The following DLG2 variants were observed in gnomAD, a reference collection of about 807,000 sequenced individuals.
DLG2 encodes disks large homolog 2.
Under a neutral mutation model 132.5 loss-of-function variants are expected in DLG2, and 45 were observed. That is an observed-to-expected ratio of 0.34 (90% CI 0.27 to 0.44). The LOEUF (loss-of-function observed/expected upper bound fraction) is 0.44. DLG2 is among the 20% of genes least tolerant of loss of function. DLG2 has a pLI of 1.00. For synonymous variants in DLG2, 424 were observed against 419.6 expected (o/e 1.01, Z -0.13); for missense variants, 1,045 against 1,196.9 (o/e 0.87, Z 1.87).
intron 11 of DLG2, among the ~76,000 whole-genome samples, chr11:84,049,927 G>A (rs1345060487): frequency 6.6e-6 from 1 of 151,706 alleles, no homozygotes; most frequent in Non-Finnish European, 1.5e-5. Context: ...GGTCACAATA[G>A]TAAGAGAAGA....
At chr11:85,103,973 A>T (rs2071291099) in intron 6 of DLG2, among the ~76,000 whole-genome samples, 1 of 151,924 alleles carries the variant, frequency 6.6e-6, no homozygotes, top group South Asian at 2.1e-4. Context: ...TCACATCACT[A>T]ATCAATAGAT....
intron 6 of DLG2, among the ~76,000 whole-genome samples, chr11:84,985,288 A>G (rs1313175356): frequency 6.6e-6 from 1 of 152,202 alleles, no homozygotes; most frequent in East Asian, 1.9e-4. Flanking sequence ...GTCTCAGACC[A>G]CAGTGCGTTA....
chr11:85,013,781 G>A (rs1232440206), intron 6 of DLG2, among the ~76,000 whole-genome samples: 1 of 152,028 alleles, frequency 6.6e-6, no homozygotes, highest in Non-Finnish European at 1.5e-5. Flanking sequence ...GAAATCTAGT[G>A]AAAAAAATCT....
chr11:84,511,987 G>T, intron 7 of DLG2, among the ~76,000 whole-genome samples: 1 of 152,112 alleles, frequency 6.6e-6, no homozygotes, highest in Non-Finnish European at 1.5e-5. Flanking sequence ...CACGCTCGAG[G>T]TCACATACCT....
In DLG2 at chr11:84,534,721, T is replaced by C. The variant is rs773627915; in HGVS notation, c.368A>G (p.Tyr123Cys). The C allele has an allele frequency of 1.9e-6, 3 of 1,614,080 alleles. No individual in the cohort carries two copies. Among genetic ancestry groups the C allele is most frequent in the Non-Finnish European group, 2.5e-6 (3 of 1,179,934 alleles). The part of the protein sequence containing the change: ...MPVHHCTKYR[Y>C]QDEDAPHDHS... ...ATCATGTGGAGCGTCCTCATCTTGA[T>C]ATCGATACTTCTAGGAGAAAAGAAA... The change falls in exon 7 of 28, where the codon TAT (tyrosine) becomes TGT (cysteine). Residue 123 changes from tyrosine to cysteine, a missense_variant. By Grantham distance (194) the Tyr-to-Cys change is radical. Transcript: ENST00000376104.
rs183709823 is a variant in DLG2 at position 83,521,863 on chromosome 11, C to G, written c.2193+10845G>C. ...TCCCTAGGTGTCTCCCTACTCCAGT[C>G]CCTCCCAAGTCCCCACCATCCATCC... On this transcript the variant is annotated intron_variant, in intron 21 of 27. Coordinates refer to ENST00000376104, the MANE Select transcript of DLG2 (RefSeq NM_001142699.3). Among the ~76,000 whole-genome samples the G allele has an allele frequency of 1.8e-4, 28 of 152,230 alleles. No individual in the cohort carries two copies. The East Asian group carries it at 5.2e-3, about 28-fold the overall frequency.
chr11:83,885,127 C>A (rs2154079097), intron 15 of DLG2, among the ~76,000 whole-genome samples: 1 of 152,290 alleles, frequency 6.6e-6, no homozygotes, highest in East Asian at 1.9e-4. Flanking sequence ...GAGAAGAAGG[C>A]TTCAGAGCAT....
intron 6 of DLG2, among the ~76,000 whole-genome samples, chr11:84,611,026 C>T (rs1430502682): frequency 8.7e-6 from 1 of 115,116 alleles, no homozygotes; most frequent in Non-Finnish European, 1.8e-5. Flanking sequence ...AGATGACATA[C>T]ACACACACAC....
chr11:85,283,142 C>A (rs2078338578), intron 4 of DLG2, among the ~76,000 whole-genome samples: 1 of 151,846 alleles, frequency 6.6e-6, no homozygotes, highest in Non-Finnish European at 1.5e-5. Context: ...GGTTACTTAG[C>A]ACCTGGGTGA....
chr11:85,127,371 G>A (rs2075255513), intron 5 of DLG2, among the ~76,000 whole-genome samples: 2 of 116,504 alleles, frequency 1.7e-5, no homozygotes, highest in South Asian at 7.0e-4. Flanking sequence ...CACTTCCTCA[G>A]GAAAGCCTCC....
intron 9 of DLG2, among the ~76,000 whole-genome samples, chr11:84,140,309 A>G (rs1298033305): frequency 6.6e-6 from 1 of 152,132 alleles, no homozygotes; most frequent in African/African-American, 2.4e-5. Flanking sequence ...CACTTTGGAG[A>G]ATAAAATGAA....
intron 18 of DLG2, among the ~76,000 whole-genome samples, chr11:83,691,641 T>A (rs1373543977): frequency 6.6e-6 from 1 of 152,200 alleles, no homozygotes; most frequent in Non-Finnish European, 1.5e-5. Context: ...TCTAGGTGCC[T>A]GTAACAAGCT....
At chr11:84,884,172 T>C (rs2087832999) in intron 6 of DLG2, among the ~76,000 whole-genome samples, 1 of 152,122 alleles carries the variant, frequency 6.6e-6, no homozygotes, top group South Asian at 2.1e-4. Context: ...TGATTTCTAT[T>C]GCTGTAGACA....
At position 83,833,611 on chromosome 11, in the gene DLG2, C is replaced by T; in HGVS notation, c.1722+3G>A. The T allele has an allele frequency of 6.2e-7, 1 of 1,611,840 alleles. No homozygotes were observed. Among genetic ancestry groups the T allele is most frequent in the Non-Finnish European group, 8.5e-7 (1 of 1,179,010 alleles). On this transcript the variant is annotated splice_donor_region_variant and intron_variant, in intron 17 of 27. Transcript: ENST00000376104. ...GGAATAAAGATTAAAGAAACATACT[C>T]ACCGATAGGATCTGGTCTCCTCTCT...
chr11:84,126,896 C>CA (rs759041494), intron 9 of DLG2, among the ~76,000 whole-genome samples: 14 of 152,118 alleles, frequency 9.2e-5, no homozygotes, highest in South Asian at 2.1e-4. Flanking sequence ...ATGTTGGGCA[C>CA]ATGATGGGAC....
In DLG2 at chr11:84,026,093, A is replaced by G. The variant is rs544760284; in HGVS notation, c.919+33222T>C. ...TGTATGATGGTATGCTGACATGAAG[A>G]GTCCTAGCAAGAGAAGTTATAGGAC... is the stretch of plus-strand genomic sequence containing the variant. On this transcript the variant is annotated intron_variant, in intron 11 of 27. Transcript: ENST00000376104. Among the ~76,000 whole-genome samples the G allele has an allele frequency of 2.0e-5, 3 of 152,276 alleles. No homozygotes were observed. In the South Asian group the frequency reaches 6.2e-4, roughly 32 times the overall value.
chr11:85,274,084 A>G (rs1312715446), intron 4 of DLG2, among the ~76,000 whole-genome samples: 1 of 151,014 alleles, frequency 6.6e-6, no homozygotes, highest in Non-Finnish European at 1.5e-5. Flanking sequence ...GGTGGGGAAC[A>G]TCACACACTG....
intron 4 of DLG2, among the ~76,000 whole-genome samples, chr11:85,268,752 A>T (rs1161256187): frequency 6.6e-6 from 1 of 152,236 alleles, no homozygotes; most frequent in Non-Finnish European, 1.5e-5. Context: ...TTATAATAAC[A>T]CACAATTAGA....
intron 6 of DLG2, among the ~76,000 whole-genome samples, chr11:84,960,439 C>CTT (rs35143980): frequency 2.2e-4 from 32 of 145,064 alleles, no homozygotes; most frequent in African/African-American, 3.5e-4. Flanking sequence ...ATTCTTTTAA[C>CTT]TTTTTTTTTT....
Sources: allele counts gnomAD v4.1 joint callset (sites outside exome capture counted in the v4.1 genomes callset), GRCh38; gene constraint gnomAD v4.1.1; transcripts MANE v1.5; gene names NCBI Gene and HGNC (gene_info 2026-07-23, HGNC 2026-07-21).